The following PTPN4 variants were observed in gnomAD, a reference collection of about 807,000 sequenced individuals.
PTPN4 encodes tyrosine-protein phosphatase non-receptor type 4.
In PTPN4, 49 loss-of-function variants were observed where a neutral mutation model predicts 135.5. The ratio of observed to expected loss-of-function variants is 0.36; its 90% CI spans 0.29 to 0.46. PTPN4 has a LOEUF of 0.46. PTPN4 is among the 20% of genes least tolerant of loss of function. PTPN4 has a pLI of 1.00. For synonymous variants in PTPN4, 333 were observed against 369.9 expected (o/e 0.90, Z 1.14); for missense variants, 860 against 1,101.0 (o/e 0.78, Z 3.10).
chr2:119,969,622 G>A (rs561773060), intron 26 of PTPN4, among the ~76,000 whole-genome samples: 8 of 141,030 alleles, frequency 5.7e-5, no homozygotes, highest in Non-Finnish European at 1.1e-4. Flanking sequence ...GCAGTGGCGC[G>A]ATCTCAGCTC....
At chr2:119,959,714 A>T (rs1679337527) in intron 22 of PTPN4, among the ~76,000 whole-genome samples, 1 of 152,222 alleles carries the variant, frequency 6.6e-6, no homozygotes, top group South Asian at 2.1e-4. Context: ...AGTGCTCCAT[A>T]ATCAATATAT....
intron 1 of PTPN4, among the ~76,000 whole-genome samples, chr2:119,770,013 A>G (rs1690706025): frequency 6.6e-6 from 1 of 152,226 alleles, no homozygotes; most frequent in Admixed American, 6.5e-5. Flanking sequence ...TCTTGTATAT[A>G]GACGAGTCAC....
chr2:119,811,900 T>A (rs1399459288), intron 2 of PTPN4, among the ~76,000 whole-genome samples: 1 of 151,768 alleles, frequency 6.6e-6, no homozygotes, highest in Non-Finnish European at 1.5e-5. Context: ...TGTTTATATT[T>A]TAAAAATATA....
chr2:119,880,558 T>C (rs1394991076), intron 5 of PTPN4, among the ~76,000 whole-genome samples: 1 of 151,748 alleles, frequency 6.6e-6, no homozygotes, highest in African/African-American at 2.4e-5. Flanking sequence ...GCCTCCCGAG[T>C]AGCTGGGACT....
At chr2:119,885,192 T>C (rs1678138267) in intron 8 of PTPN4, among the ~76,000 whole-genome samples, 2 of 152,196 alleles carry the variant, frequency 1.3e-5, no homozygotes, top group Non-Finnish European at 2.9e-5. Flanking sequence ...TTGTAGAATA[T>C]AATAAAAATT....
chr2:119,906,427 AAT>A (rs1300699421), intron 10 of PTPN4, among the ~76,000 whole-genome samples: 48 of 152,334 alleles, frequency 3.2e-4, no homozygotes, highest in African/African-American at 1.1e-3. Flanking sequence ...CAAATTCAAT[AAT>A]ACGTGAAAAA....
chr2:119,913,356 T>G (rs1303221554), intron 10 of PTPN4, among the ~76,000 whole-genome samples: 2 of 152,238 alleles, frequency 1.3e-5, no homozygotes, highest in African/African-American at 4.8e-5. Flanking sequence ...TGCATTTTTA[T>G]TATAACCATT....
chr2:119,984,505 T>C lies in PTPN4; in HGVS notation c.*7435T>C, dbSNP rs1163768953. 6.6e-6 allele frequency among the ~76,000 whole-genome samples: 1 copy of C among 152,222 alleles called. No homozygotes were observed. Among genetic ancestry groups the C allele is most frequent in the Non-Finnish European group, 1.5e-5 (1 of 68,026 alleles). On this transcript the variant is annotated 3_prime_UTR_variant, in exon 27 of 27. Transcript: ENST00000263708. ...TATCTCTTTCCATATGATCTCATAA[T>C]TGAGGCAAAGAAGCTAAGGGTTTAT...
chr2:119,973,684 G>GTTTTTTTTTTTTTTTTTTTTTTTTTT (rs1574428169), intron 26 of PTPN4, among the ~76,000 whole-genome samples: 1 of 11,306 alleles, frequency 8.8e-5, no homozygotes, highest in African/African-American at 3.1e-4. Context: ...TTTTTTTTTG[G>GTTTTTTTTTTTTTTTTTTTTTTTTTT]TAATTTACTT....
chr2:119,897,284 A>G (rs954548013), intron 9 of PTPN4, among the ~76,000 whole-genome samples: 3 of 152,030 alleles, frequency 2.0e-5, no homozygotes, highest in Non-Finnish European at 4.4e-5. Flanking sequence ...CTTTTATGCT[A>G]TCTAGTATTT....
chr2:119,797,213 G>C (rs1176394867), intron 1 of PTPN4, among the ~76,000 whole-genome samples: 1 of 152,184 alleles, frequency 6.6e-6, no homozygotes, highest in Non-Finnish European at 1.5e-5. Flanking sequence ...TGTCGAAAGA[G>C]TGATGAAGAA....
At chr2:119,885,965 G>T in intron 9 of PTPN4, 83 bp downstream of exon 9, 1 of 940,202 alleles carries the variant, frequency 1.1e-6, no homozygotes, top group Non-Finnish European at 1.6e-6. Context: ...GATAACAAAT[G>T]GAATAAGTTA....
intron 1 of PTPN4, among the ~76,000 whole-genome samples, chr2:119,769,110 A>G (rs1307022161): frequency 1.3e-5 from 2 of 152,228 alleles, no homozygotes; most frequent in Non-Finnish European, 2.9e-5. Flanking sequence ...GCACACTGAC[A>G]GAGCTCCTAA....
chr2:119,809,485 G>A (rs1691539203), intron 1 of PTPN4, among the ~76,000 whole-genome samples: 1 of 151,446 alleles, frequency 6.6e-6, no homozygotes, highest in Admixed American at 6.6e-5. Context: ...TAAAATACTT[G>A]CATCAATGAG....
chr2:119,849,943 G>A (rs1677566990), intron 2 of PTPN4, among the ~76,000 whole-genome samples: 1 of 152,196 alleles, frequency 6.6e-6, no homozygotes, highest in Admixed American at 6.5e-5. Flanking sequence ...TCTTGATCCA[G>A]TTAAATCTAA....
At chr2:119,848,466 C>G (rs1677540423) in intron 2 of PTPN4, among the ~76,000 whole-genome samples, 1 of 152,118 alleles carries the variant, frequency 6.6e-6, no homozygotes, top group South Asian at 2.1e-4. Flanking sequence ...AGCCACCACA[C>G]CCAGCCCACA....
In PTPN4 at chr2:119,978,889, A is replaced by G. The variant is rs759626298; in HGVS notation, c.*1819A>G. The G allele has an allele frequency of 2.6e-5, 4 of 152,116 alleles. No homozygotes were observed. Among genetic ancestry groups the G allele is most frequent in the Non-Finnish European group, 4.4e-5 (3 of 67,956 alleles). 9.4% of individuals were successfully genotyped at this position (152,116 alleles called of 1,614,324 possible). On this transcript the variant is annotated 3_prime_UTR_variant, in exon 27 of 27. Coordinates refer to ENST00000263708, the MANE Select transcript of PTPN4 (RefSeq NM_002830.4). ...CATAATAATAAATTTCAGGAAATCA[A>G]GCTCCTAAACATTAATAGCCAAGAT...
intron 15 of PTPN4, 87 bp from the exon 16 acceptor site, chr2:119,944,994 C>T: frequency 8.0e-7 from 1 of 1,255,362 alleles, no homozygotes; most frequent in South Asian, 1.6e-5. Flanking sequence ...AGCCTGTCTC[C>T]TACCAGACAT....
chr2:119,956,411 G>T (rs1239015234), intron 20 of PTPN4, among the ~76,000 whole-genome samples: 1 of 151,852 alleles, frequency 6.6e-6, no homozygotes, highest in Non-Finnish European at 1.5e-5. Context: ...TTTTAGAAAT[G>T]ACCATCATTA....
Sources: gnomAD v4.1 joint callset for allele counts (sites outside exome capture counted in the v4.1 genomes callset) on GRCh38, gnomAD v4.1.1 for gene constraint, MANE v1.5 for transcripts, NCBI Gene and HGNC (gene_info 2026-07-23, HGNC 2026-07-21) for gene names.